The following ALX3 variants were observed in gnomAD, a reference collection of about 807,000 sequenced individuals.
ALX3 encodes homeobox protein aristaless-like 3.
ALX3 carries 17 observed loss-of-function variants against 26.3 expected under a neutral mutation model. That is an observed-to-expected ratio of 0.65 (90% CI 0.44 to 0.97). The LOEUF (loss-of-function observed/expected upper bound fraction) is 0.97, where lower values mean the gene tolerates loss of function less well. ALX3 is among the 50% of genes least tolerant of loss of function. The pLI, the probability that ALX3 is intolerant of heterozygous loss-of-function variation, is 0.00. For missense variants in ALX3, 461 were observed against 466.5 expected (o/e 0.99, Z 0.11); for synonymous variants, 208 against 201.4 (o/e 1.03, Z -0.28).
intron 1 of ALX3, among the ~76,000 whole-genome samples, chr1:110,068,191 T>C (rs1653833924): frequency 6.6e-6 from 1 of 152,162 alleles, no homozygotes; most frequent in African/African-American, 2.4e-5. Flanking sequence ...CTGCCCAGCC[T>C]CGTGAAAGAT....
rs550937380 is a variant in ALX3, at chr1:110,070,284, GGAA to G, written c.277+49_277+51del. ...GGAAGGCCCGGGTGGGCCCGGGTAAGGAAGAAGAAGAGAGGGTCGGGCTGCGCG... is the reference window on the plus strand; with the variant it reads ...GGAAGGCCCGGGTGGGCCCGGGTAAGGAAGAAGAGAGGGTCGGGCTGCGCG... On this transcript the variant is annotated intron_variant, in intron 1 of 3. Coordinates refer to ENST00000647563, the MANE Select transcript of ALX3 (RefSeq NM_006492.3). 781 of 1,288,670 alleles carry G rather than the reference GGAA, an allele frequency of 6.1e-4. 1 individual carries two copies. In the African/African-American group the frequency reaches 0.01, roughly 17 times the overall value. The allele number at this position is 1,288,670 out of a possible 1,614,324, so 79.8% of individuals were successfully genotyped here. A position where few individuals can be genotyped will look rare whatever the true frequency, so the allele number is the denominator to read the frequency against.
chr1:110,062,645 G>GTGTGCGCGCGCGC (rs57279963), intron 2 of ALX3: 2 of 132,300 alleles, frequency 1.5e-5, no homozygotes, highest in African/African-American at 5.6e-5. Flanking sequence ...GTGTGTGTGT[G>GTGTGCGCGCGCGC]GAGTAATCCG....
chr1:110,065,266 G>A (rs376440637), intron 1 of ALX3, among the ~76,000 whole-genome samples: 21 of 152,318 alleles, frequency 1.4e-4, no homozygotes, highest in African/African-American at 4.1e-4. Flanking sequence ...GGCAGAGGGC[G>A]GGGTGAGGAT....
intron 2 of ALX3, 28 bp from the exon 3 acceptor site, chr1:110,061,591 G>C: frequency 6.2e-7 from 1 of 1,613,692 alleles, no homozygotes; most frequent in Non-Finnish European, 8.5e-7. Flanking sequence ...GGGTTTGAGG[G>C]GGTGATAGGG....
rs542885685 is a variant in ALX3 at position 110,066,191 on chromosome 1, G to A, written c.278-1288C>T. On this transcript the variant is annotated intron_variant, in intron 1 of 3. Transcript: ENST00000647563. ...GGTGAGTCCCTGTCTGCACTGTGAA[G>A]GACAAATGGGGCAGGGTCCTCCTCA... is the stretch of plus-strand genomic sequence containing the variant. 8.5e-5 allele frequency among the ~76,000 whole-genome samples: 13 copies of A among 152,376 alleles called. No homozygotes were observed. The South Asian group carries it at 2.7e-3, about 32-fold the overall frequency.
At chr1:110,065,492 G>C (rs930449238) in intron 1 of ALX3, among the ~76,000 whole-genome samples, 1 of 152,198 alleles carries the variant, frequency 6.6e-6, no homozygotes, top group African/African-American at 2.4e-5. Context: ...TCTGGTGTAA[G>C]AAGGGCAAGA....
In ALX3 at chr1:110,063,015, TC is replaced by T. The variant is rs544010308; in HGVS notation, c.595-1453del. Among the ~76,000 whole-genome samples, 28 of 152,242 alleles carry T rather than the reference TC, an allele frequency of 1.8e-4. No homozygotes were observed. In the South Asian group the frequency reaches 4.4e-3, roughly 24 times the overall value. On this transcript the variant is annotated intron_variant, in intron 2 of 3. Coordinates refer to ENST00000647563, the MANE Select transcript of ALX3 (RefSeq NM_006492.3). Reference sequence around the variant, plus strand: ...ATTATCTGGTGTGTAGTCTCATTCTTCCTCTCCATAGGGCAGGGTGTATGGG... The same window carrying T: ...ATTATCTGGTGTGTAGTCTCATTCTTCTCTCCATAGGGCAGGGTGTATGGG...
In ALX3 at chr1:110,059,967, T is replaced by G. The variant is rs1653588395; in HGVS notation, c.*766A>C. ...TTTAAACAAAAAAAACACAAAAGTG[T>G]CTGTACAAAAATGGGGATCAGGATC... On this transcript the variant is annotated 3_prime_UTR_variant, in exon 4 of 4. Transcript: ENST00000647563. 1 of 151,330 alleles carries G rather than the reference T, an allele frequency of 6.6e-6. No individual in the cohort carries two copies. Among genetic ancestry groups the G allele is most frequent in the Non-Finnish European group, 1.5e-5 (1 of 67,854 alleles). 9.4% of individuals were successfully genotyped at this position (151,330 alleles called of 1,614,324 possible).
intron 3 of ALX3, 169 bp from the exon 4 acceptor site, chr1:110,061,210 G>A: frequency 1.0e-6 from 1 of 985,142 alleles, no homozygotes; most frequent in Middle Eastern, 3.2e-4. Flanking sequence ...ATCTCAGGAG[G>A]CCCCTGCCAC....
Position 110,070,537 on chromosome 1 carries a change from G to C in ALX3, c.76C>G (p.Pro26Ala). Residue 26 changes from proline to alanine, a missense_variant, in exon 1 of 4, where the codon CCG (proline) becomes GCG (alanine). Physicochemically the swap from Pro to Ala is conservative, Grantham distance 27. Coordinates refer to ENST00000647563, the MANE Select transcript of ALX3 (RefSeq NM_006492.3). ...GPYVASGDEP[P>A]GPQGTPAAAP... ...GCGGCGGGGGTTCCCTGCGGGCCCG[G>C]AGGCTCGTCCCCCGAGGCCACATAG... The C allele has an allele frequency of 7.7e-7, 1 of 1,295,282 alleles. No homozygotes were observed. Among genetic ancestry groups the C allele is most frequent in the South Asian group, 2.2e-5 (1 of 44,726 alleles). 80.2% of individuals were successfully genotyped at this position (1,295,282 alleles called of 1,614,324 possible).
rs1240346400 is a variant in ALX3, at chr1:110,060,629, C to T, written c.*104G>A. 4.4e-5 allele frequency: 16 copies of T among 367,476 alleles called. No homozygotes were observed. The South Asian group carries it at 6.1e-4, about 14-fold the overall frequency. The allele number at this position is 367,476 out of a possible 1,614,324, so 22.8% of individuals were successfully genotyped here. A position where few individuals can be genotyped will look rare whatever the true frequency, so the allele number is the denominator to read the frequency against. On this transcript the variant is annotated 3_prime_UTR_variant, in exon 4 of 4. Transcript: ENST00000647563. ...GGGGGCTGACAGTGCCAGCTGCTCTCGCAGCCTCCAGAACCATCTGGGGCT... is the reference window on the plus strand; with the variant it reads ...GGGGGCTGACAGTGCCAGCTGCTCTTGCAGCCTCCAGAACCATCTGGGGCT...
chr1:110,061,352 C>T, intron 3 of ALX3, 83 bp downstream of exon 3: 1 of 1,602,728 alleles, frequency 6.2e-7, no homozygotes, highest in Non-Finnish European at 8.5e-7. Flanking sequence ...AACGCTGACG[C>T]TCTCCAGGTT....
At position 110,060,662 on chromosome 1, in the gene ALX3, A is replaced by C; in HGVS notation, c.*71T>G. On this transcript the variant is annotated 3_prime_UTR_variant, in exon 4 of 4. Transcript: ENST00000647563. ...CCAGAACCATCTGGGGCTTGGAGGC[A>C]GAGGTGGGCTGGGAGCGACTGGGAA... is the stretch of plus-strand genomic sequence containing the variant. 2.0e-6 allele frequency: 3 copies of C among 1,486,374 alleles called. No individual in the cohort carries two copies. The highest frequency in any genetic ancestry group is 2.7e-6 in the Non-Finnish European group (3 of 1,097,880). 92.1% of individuals were successfully genotyped at this position (1,486,374 alleles called of 1,614,324 possible). A position where few individuals can be genotyped will look rare whatever the true frequency, so the allele number is the denominator to read the frequency against.
chr1:110,069,205 C>A (rs1047991474), intron 1 of ALX3, among the ~76,000 whole-genome samples: 6 of 152,256 alleles, frequency 3.9e-5, no homozygotes, highest in African/African-American at 1.4e-4. Flanking sequence ...CGGACTCGTT[C>A]ATTTCCTCCG....
At position 110,070,586 on chromosome 1, in the gene ALX3, G is replaced by C; in HGVS notation, c.27C>G (p.Phe9Leu). The change falls in exon 1 of 4, where the codon TTC becomes TTG. Residue 9 changes from phenylalanine (F) to leucine (L), a missense_variant. Around this residue, in one of 3 missense-constraint regions of ALX3, gnomAD observed 241 missense variants for 206.1 expected, o/e 1.17. Transcript: ENST00000647563. The part of the protein sequence containing the change: MDPEHCAP[F>L]RVGPAPGPYV... ...AGGGGCCGGGTGCAGGCCCCACGCG[G>C]AAAGGCGCGCAGTGCTCGGGGTCCA... 7.7e-7 allele frequency: 1 copy of C among 1,297,014 alleles called. No individual in the cohort carries two copies. Among genetic ancestry groups the C allele is most frequent in the Non-Finnish European group, 9.8e-7 (1 of 1,020,736 alleles). The allele number at this position is 1,297,014 out of a possible 1,614,324, so 80.3% of individuals were successfully genotyped here. A position where few individuals can be genotyped will look rare whatever the true frequency, so the allele number is the denominator to read the frequency against.
chr1:110,064,836 T>C lies in ALX3; in HGVS notation c.345A>G (p.Arg115=). The C allele has an allele frequency of 1.2e-6, 2 of 1,613,288 alleles. No individual in the cohort carries two copies. The highest frequency in any genetic ancestry group is 1.3e-5 in the African/African-American group (1 of 74,880). ...QLPLDCRGGP[R]DGPSNLQGSP... is the part of the protein sequence containing the mutation. ...AGCCTTGCAAGTTAGAGGGCCCGTC[T>C]CTGGGGCCCCCTCGGCAGTCCAAGG... is the stretch of plus-strand genomic sequence containing the variant. Residue 115 remains arginine (R), a synonymous_variant, in exon 2 of 4, where the codon AGA becomes AGG. Coordinates refer to ENST00000647563, the MANE Select transcript of ALX3 (RefSeq NM_006492.3).
chr1:110,068,021 T>C (rs1653830538), intron 1 of ALX3, among the ~76,000 whole-genome samples: 1 of 152,082 alleles, frequency 6.6e-6, no homozygotes, highest in African/African-American at 2.4e-5. Context: ...CGGGACAGAC[T>C]AGCCAAGCGC....
chr1:110,067,352 G>C (rs1299782483), intron 1 of ALX3, among the ~76,000 whole-genome samples: 2 of 152,188 alleles, frequency 1.3e-5, no homozygotes, highest in African/African-American at 4.8e-5. Flanking sequence ...TGGTTAAGGC[G>C]GGGTACTCAT....
At chr1:110,064,540 TGTGTGATA>T (rs1347588042) in intron 2 of ALX3, 39 bp downstream of exon 2, 4 of 1,607,238 alleles carry the variant, frequency 2.5e-6, no homozygotes, top group Admixed American at 3.4e-5. Flanking sequence ...TTCTGGTCAC[TGTGTGATA>T]GGGGCAGCCA....
Sources: gnomAD v4.1 joint callset for allele counts (sites outside exome capture counted in the v4.1 genomes callset) on GRCh38, gnomAD v4.1.1 for gene constraint, gnomAD v4.1.1 regional missense constraint, MANE v1.5 for transcripts, NCBI Gene and HGNC (gene_info 2026-07-23, HGNC 2026-07-21) for gene names.